Variants in HS3ST4 observed in about 807,000 individuals in gnomAD.
The protein encoded by HS3ST4 is heparan sulfate-glucosamine 3-sulfotransferase 4.
Under a neutral mutation model 29.2 loss-of-function variants are expected in HS3ST4, and 17 were observed. That is an observed-to-expected ratio of 0.58 (90% CI 0.40 to 0.87). The LOEUF is 0.87. Among genes scored for constraint, HS3ST4 ranks in the 40% least tolerant of loss-of-function variants. HS3ST4 has a pLI of 0.00. For missense variants in HS3ST4, 627 were observed against 634.5 expected (o/e 0.99, Z 0.13); for synonymous variants, 314 against 285.7 (o/e 1.10, Z -1.00).
At chr16:26,087,009 A>G (rs1898798046) in intron 1 of HS3ST4, among the ~76,000 whole-genome samples, 1 of 152,022 alleles carries the variant, frequency 6.6e-6, no homozygotes, top group African/African-American at 2.4e-5. Flanking sequence ...CCTCCAGACC[A>G]CCTCGTTGTT....
At chr16:25,906,722 A>G (rs1407981019) in intron 1 of HS3ST4, among the ~76,000 whole-genome samples, 1 of 152,208 alleles carries the variant, frequency 6.6e-6, no homozygotes, top group Admixed American at 6.5e-5. Flanking sequence ...TAGTTTGCTG[A>G]GCAAATTCAT....
intron 1 of HS3ST4, among the ~76,000 whole-genome samples, chr16:25,928,654 C>G (rs1968433589): frequency 6.6e-6 from 1 of 152,140 alleles, no homozygotes. Context: ...TCCTTAAGAA[C>G]TTGGGAGCAA....
intron 1 of HS3ST4, among the ~76,000 whole-genome samples, chr16:25,983,003 C>G (rs1007779225): frequency 3.9e-5 from 6 of 152,178 alleles, no homozygotes; most frequent in Non-Finnish European, 5.9e-5. Flanking sequence ...GTGAAGAAAA[C>G]AGGTAGCATC....
intron 1 of HS3ST4, among the ~76,000 whole-genome samples, chr16:25,999,882 T>A (rs1228807426): frequency 2.5e-4 from 31 of 122,952 alleles, no homozygotes; most frequent in African/African-American, 6.3e-4. Context: ...TTTATATATA[T>A]TATATATATA....
At chr16:25,906,156 G>A (rs1050437480) in intron 1 of HS3ST4, among the ~76,000 whole-genome samples, 7 of 152,158 alleles carry the variant, frequency 4.6e-5, no homozygotes, top group African/African-American at 1.4e-4. Context: ...GCAATTTGGG[G>A]TGTTGAGATT....
At position 25,703,453 on chromosome 16, in the gene HS3ST4, G is replaced by A. The variant is rs1236732464; in HGVS notation, c.734+10302G>A. ...CTGATATTACCCACGCCTTACAGGCGAGGGAACTGAGGCACAGTGCTGGTA... is the reference window on the plus strand; with the variant it reads ...CTGATATTACCCACGCCTTACAGGCAAGGGAACTGAGGCACAGTGCTGGTA... On this transcript the variant is annotated intron_variant, in intron 1 of 1. Transcript: ENST00000331351. 2.0e-5 allele frequency among the ~76,000 whole-genome samples: 3 copies of A among 152,216 alleles called. No individual in the cohort carries two copies. In the East Asian group the frequency reaches 5.8e-4, roughly 29 times the overall value.
chr16:25,755,205 T>C (rs1327021964), intron 1 of HS3ST4, among the ~76,000 whole-genome samples: 1 of 152,088 alleles, frequency 6.6e-6, no homozygotes, highest in East Asian at 1.9e-4. Flanking sequence ...AACATGGAAA[T>C]CACAGAGATC....
chr16:25,728,036 A>G (rs1443481142), intron 1 of HS3ST4, among the ~76,000 whole-genome samples: 1 of 152,126 alleles, frequency 6.6e-6, no homozygotes, highest in Non-Finnish European at 1.5e-5. Flanking sequence ...GAGTCACACT[A>G]CATCATCCAG....
chr16:25,712,057 G>C (rs111778695), intron 1 of HS3ST4, among the ~76,000 whole-genome samples: 2,189 of 152,148 alleles, frequency 0.014, 46 homozygotes, highest in African/African-American at 0.048. Context: ...ATATACTCCT[G>C]TAACATCATT....
At chr16:25,757,403 T>C (rs927198112) in intron 1 of HS3ST4, among the ~76,000 whole-genome samples, 1 of 152,122 alleles carries the variant, frequency 6.6e-6, no homozygotes. Context: ...CTTCACTTTA[T>C]TGCACTTTGC....
chr16:26,129,792 T>C (rs1899393659), intron 1 of HS3ST4, among the ~76,000 whole-genome samples: 1 of 152,214 alleles, frequency 6.6e-6, no homozygotes, highest in Admixed American at 6.5e-5. Context: ...CTGAAAATGC[T>C]TGGAGACGTC....
At chr16:25,941,503 T>C (rs1250914713) in intron 1 of HS3ST4, among the ~76,000 whole-genome samples, 1 of 151,592 alleles carries the variant, frequency 6.6e-6, no homozygotes, top group Non-Finnish European at 1.5e-5. Context: ...ACTTGCATTG[T>C]TATTTGTGAA....
intron 1 of HS3ST4, among the ~76,000 whole-genome samples, chr16:25,829,175 A>G (rs1967268784): frequency 6.6e-6 from 1 of 152,232 alleles, no homozygotes; most frequent in Admixed American, 6.5e-5. Flanking sequence ...GCACAGACAG[A>G]TAACACTTGA....
At chr16:26,053,720 A>AAT (rs915418636) in intron 1 of HS3ST4, among the ~76,000 whole-genome samples, 4 of 152,106 alleles carry the variant, frequency 2.6e-5, no homozygotes, top group African/African-American at 7.2e-5. Flanking sequence ...GCGATTTACC[A>AAT]ATATATATAT....
rs56169806 is a variant in HS3ST4 at position 26,081,786 on chromosome 16, CTTTT to C, written c.735-53803_735-53800del. On this transcript the variant is annotated intron_variant, in intron 1 of 1. Transcript: ENST00000331351. ...CCCCATGTACTTCAGGGAGTACATT[CTTTT>C]TTTTTTTTTTTTTTTTTTTTTTGAG... Among the ~76,000 whole-genome samples, 50 of 84,990 alleles carry C rather than the reference CTTTT, an allele frequency of 5.9e-4. 1 individual carries two copies. The highest frequency in any genetic ancestry group is 1.7e-3 in the African/African-American group (37 of 21,562). 55.8% of individuals were successfully genotyped at this position (84,990 alleles called of 152,430 possible). A position where few individuals can be genotyped will look rare whatever the true frequency, so the allele number is the denominator to read the frequency against.
At chr16:25,732,713 G>A (rs1372489746) in intron 1 of HS3ST4, among the ~76,000 whole-genome samples, 1 of 152,186 alleles carries the variant, frequency 6.6e-6, no homozygotes, top group East Asian at 1.9e-4. Context: ...CCATAACTTG[G>A]ATGGAACCAG....
chr16:25,712,236 A>G (rs1199344415), intron 1 of HS3ST4, among the ~76,000 whole-genome samples: 1 of 152,286 alleles, frequency 6.6e-6, no homozygotes, highest in East Asian at 1.9e-4. Flanking sequence ...AGAAGGAAAC[A>G]AAAGGCCAGG....
In HS3ST4 at chr16:25,963,723, C is replaced by T. The variant is rs1213989565; in HGVS notation, c.735-171889C>T. On this transcript the variant is annotated intron_variant, in intron 1 of 1. Coordinates refer to ENST00000331351, the MANE Select transcript of HS3ST4 (RefSeq NM_006040.3). The stretch of plus-strand genomic sequence containing the variant: ...TACATTCTTGTCCTTTGCAGACCTG[C>T]AGGTATTTTAGCTGAATCAGGACAG... 3.3e-5 allele frequency among the ~76,000 whole-genome samples: 5 copies of T among 152,228 alleles called. No homozygotes were observed. The South Asian group carries it at 8.3e-4, about 25-fold the overall frequency.
intron 1 of HS3ST4, among the ~76,000 whole-genome samples, chr16:25,857,140 A>T (rs763574861): frequency 6.6e-6 from 1 of 152,188 alleles, no homozygotes; most frequent in African/African-American, 2.4e-5. Context: ...GCTCACTCTC[A>T]TGTTAGTCCA....
Sources: allele counts gnomAD v4.1 joint callset (sites outside exome capture counted in the v4.1 genomes callset), GRCh38; gene constraint gnomAD v4.1.1; transcripts MANE v1.5; gene names NCBI Gene and HGNC (gene_info 2026-07-23, HGNC 2026-07-21).